The following LAIR1 variants were observed in gnomAD, a reference collection of about 807,000 sequenced individuals.
LAIR1 encodes the protein leukocyte-associated immunoglobulin-like receptor 1.
In LAIR1, 24 loss-of-function variants were observed where a neutral mutation model predicts 32.8. The observed-to-expected ratio is 0.73, with a 90% CI of 0.53 to 1.03. The LOEUF (loss-of-function observed/expected upper bound fraction) is 1.03. Ranked by LOEUF, LAIR1 falls within the 50% of genes least tolerant of loss-of-function variation. LAIR1 has a pLI of 0.00. For missense variants in LAIR1, 355 were observed against 347.5 expected (o/e 1.02, Z -0.17); for synonymous variants, 150 against 140.5 (o/e 1.07, Z -0.48).
rs1193204151 is a variant in LAIR1, at chr19:54,352,856, T to C, written c.*2412A>G. The C allele has an allele frequency of 6.6e-6, 1 of 151,858 alleles. No homozygotes were observed. Among genetic ancestry groups the C allele is most frequent in the Non-Finnish European group, 1.5e-5 (1 of 67,984 alleles). The allele number at this position is 151,858 out of a possible 1,614,324, so 9.4% of individuals were successfully genotyped here. ...AACAACCAGAGAAGAAAGACAGAGATGTAGAAAAAGAGACAAAGACGGCTG... is the reference window on the plus strand; with the variant it reads ...AACAACCAGAGAAGAAAGACAGAGACGTAGAAAAAGAGACAAAGACGGCTG... On this transcript the variant is annotated 3_prime_UTR_variant, in exon 10 of 10. Coordinates refer to ENST00000391742, the MANE Select transcript of LAIR1 (RefSeq NM_002287.6).
In LAIR1 at chr19:54,360,997, T is replaced by G; in HGVS notation, c.283A>C (p.Asn95His). ...RFRIDSVREG[N>H]AGLYRCIYYK... ...TAGATGCAGCGATAAAGCCCGGCAT[T>G]TCCTTCTCTTACTGAGTCAATGCGG... is the stretch of plus-strand genomic sequence containing the variant. Residue 95 changes from asparagine to histidine, a missense_variant, in exon 3 of 10, where the codon AAT becomes CAT. Coordinates refer to ENST00000391742, the MANE Select transcript of LAIR1 (RefSeq NM_002287.6). 1 of 1,614,200 alleles carries G rather than the reference T, an allele frequency of 6.2e-7. No homozygotes were observed. The highest frequency in any genetic ancestry group is 8.5e-7 in the Non-Finnish European group (1 of 1,180,034).
At chr19:54,358,397 A>AAT (rs1167186423) in intron 4 of LAIR1, 1 of 197,216 alleles carries the variant, frequency 5.1e-6, no homozygotes, top group South Asian at 1.6e-4. Flanking sequence ...ATATATATAT[A>AAT]ATATATATAT....
upstream of LAIR1, among the ~76,000 whole-genome samples, chr19:54,373,243 C>A (rs575029948): frequency 2.2e-3 from 337 of 151,276 alleles, 2 homozygotes; most frequent in Non-Finnish European, 3.8e-3. Flanking sequence ...GTGATCGAGA[C>A]CATCCTGGCC....
rs2081757013 is a variant in LAIR1, at chr19:54,357,100, C to T, written c.416-134G>A. On this transcript the variant is annotated intron_variant, in intron 4 of 9. Coordinates refer to ENST00000391742, the MANE Select transcript of LAIR1 (RefSeq NM_002287.6). ...CCTGACTGCTCCCTCTAGACCAGCA[C>T]CGACCAGCAGAGTCTTCTGTGATGA... 15 of 723,490 alleles carry T rather than the reference C, an allele frequency of 2.1e-5. No individual in the cohort carries two copies. In the South Asian group the frequency reaches 2.7e-4, roughly 13 times the overall value. 44.8% of individuals were successfully genotyped at this position (723,490 alleles called of 1,614,324 possible). A position where few individuals can be genotyped will look rare whatever the true frequency, so the allele number is the denominator to read the frequency against.
Position 54,356,580 on chromosome 19 carries a change from T to C in LAIR1, c.494A>G (p.Tyr165Cys), listed in dbSNP as rs763762622. Residue 165 changes from tyrosine to cysteine, a missense_variant, in exon 6 of 10, where the codon TAT (tyrosine) becomes TGT (cysteine). Tyr to Cys is a radical substitution (Grantham distance 194). Transcript: ENST00000391742. Reference sequence around the variant, plus strand: ...GACCACTGAGACCCCGATGAGAATATACAGATGCTCAGCTTTCAGGCCTTG... The same window carrying C: ...GACCACTGAGACCCCGATGAGAATACACAGATGCTCAGCTTTCAGGCCTTG... The part of the protein sequence containing the change: ...ASQGLKAEHL[Y>C]ILIGVSVVFL... 2 of 1,613,766 alleles carry C rather than the reference T, an allele frequency of 1.2e-6. No individual in the cohort carries two copies. The highest frequency in any genetic ancestry group is 1.1e-5 in the South Asian group (1 of 91,070).
chr19:54,355,341 G>C lies in LAIR1; in HGVS notation c.791C>G (p.Ala264Gly). The C allele has an allele frequency of 1.2e-6, 2 of 1,613,544 alleles. No individual in the cohort carries two copies. The highest frequency in any genetic ancestry group is 2.2e-5 in the South Asian group (2 of 91,042). The part of the protein sequence containing the change: ...LDHWALTQRT[A>G]RAVSPQSTKP... ...TGTGGACTGTGGGGACACAGCCCGG[G>C]CTGTCCTCTGTGTGAGGGCCCAGTG... The change falls in exon 10 of 10, where the codon GCC (alanine) becomes GGC (glycine). Residue 264 changes from alanine to glycine, a missense_variant. Coordinates refer to ENST00000391742, the MANE Select transcript of LAIR1 (RefSeq NM_002287.6). The surrounding 1 kb of genome is among the most constrained non-coding windows in gnomAD (Gnocchi z 4.7).
At chr19:54,373,983 G>A (rs1430975313), upstream of LAIR1, among the ~76,000 whole-genome samples, 3 of 152,098 alleles carry the variant, frequency 2.0e-5, no homozygotes, top group Non-Finnish European at 2.9e-5. Context: ...TATAAATAGT[G>A]TTATGAACAG....
upstream of LAIR1, among the ~76,000 whole-genome samples, chr19:54,372,043 T>C (rs2082417624): frequency 6.6e-6 from 1 of 151,712 alleles, no homozygotes; most frequent in Admixed American, 6.5e-5. Context: ...ACTCACTTAC[T>C]GAAGGGCATC....
rs1240957890 is a variant in LAIR1 at position 54,353,482 on chromosome 19, G to C, written c.*1786C>G. On this transcript the variant is annotated 3_prime_UTR_variant, in exon 10 of 10. Coordinates refer to ENST00000391742, the MANE Select transcript of LAIR1 (RefSeq NM_002287.6). ...GCAGACCGAGCTGCAGCCCATCCCG[G>C]GGTTCATAATGTGGAGTCAGGAGCC... 1 of 152,130 alleles carries C rather than the reference G, an allele frequency of 6.6e-6. No individual in the cohort carries two copies. Among genetic ancestry groups the C allele is most frequent in the Non-Finnish European group, 1.5e-5 (1 of 68,032 alleles). The allele number at this position is 152,130 out of a possible 1,614,324, so 9.4% of individuals were successfully genotyped here.
At position 54,362,194 on chromosome 19, in the gene LAIR1, T is replaced by C. The variant is rs2885687; in HGVS notation, c.71-985A>G. Among the ~76,000 whole-genome samples, 11 of 152,116 alleles carry C rather than the reference T, an allele frequency of 7.2e-5. No individual in the cohort carries two copies. The East Asian group carries it at 7.7e-4, about 11-fold the overall frequency. ...GAACATTTAAAATCTGCCCTCTTAG[T>C]GATTTTCAAGCATATGATACATTGT... On this transcript the variant is annotated intron_variant, in intron 2 of 9. Coordinates refer to ENST00000391742, the MANE Select transcript of LAIR1 (RefSeq NM_002287.6).
chr19:54,357,088 T>A, intron 4 of LAIR1, 122 bp from the exon 5 acceptor site: 1 of 847,500 alleles, frequency 1.2e-6, no homozygotes, highest in Admixed American at 2.4e-5. Context: ...GACTGCTCCC[T>A]CTAGACCAGC....
upstream of LAIR1, among the ~76,000 whole-genome samples, chr19:54,374,705 G>A (rs576551295): frequency 6.6e-6 from 1 of 152,148 alleles, no homozygotes; most frequent in East Asian, 1.9e-4. Context: ...CCCAGCCCCA[G>A]AGGTTCCCAG....
At chr19:54,358,483 A>T in intron 4 of LAIR1, 3 of 1,420,686 alleles carry the variant, frequency 2.1e-6, no homozygotes, top group Non-Finnish European at 2.9e-6. Flanking sequence ...ATATATTTTT[A>T]TCTGTATATG....
At chr19:54,365,077 T>G, upstream of LAIR1, 1 of 1,349,872 alleles carries the variant, frequency 7.4e-7, no homozygotes. Context: ...TTACCAGATG[T>G]GTCAGCCTCT....
At chr19:54,358,292 A>C (rs1189347351) in intron 4 of LAIR1, 4 of 150,342 alleles carry the variant, frequency 2.7e-5, no homozygotes, top group East Asian at 1.9e-4. Flanking sequence ...ATATATTGTA[A>C]ATATATCTTT....
chr19:54,356,478 C>G lies in LAIR1; in HGVS notation c.583+13G>C. On this transcript the variant is annotated intron_variant, in intron 6 of 9. Coordinates refer to ENST00000391742, the MANE Select transcript of LAIR1 (RefSeq NM_002287.6). ...AGCTTCCCAGGTCACCCCACCCTGC[C>G]CCTGAGACCTACCCTGCTTTATCTG... is the stretch of plus-strand genomic sequence containing the variant. The G allele has an allele frequency of 6.2e-7, 1 of 1,613,748 alleles. No individual in the cohort carries two copies. Among genetic ancestry groups the G allele is most frequent in the Non-Finnish European group, 8.5e-7 (1 of 1,179,908 alleles).
In LAIR1 at chr19:54,351,670, G is replaced by C. The variant is rs1336445834; in HGVS notation, c.*3598C>G. On this transcript the variant is annotated 3_prime_UTR_variant, in exon 10 of 10. Transcript: ENST00000391742. ...TTGGACAGCAGGTGTGTAAGCAGGA[G>C]CCAAGAGTGAAACACGCTCTTGCTC... 6.6e-6 allele frequency: 1 copy of C among 152,146 alleles called. No homozygotes were observed. The highest frequency in any genetic ancestry group is 2.4e-5 in the African/African-American group (1 of 41,430). The allele number at this position is 152,146 out of a possible 1,614,324, so 9.4% of individuals were successfully genotyped here. A position where few individuals can be genotyped will look rare whatever the true frequency, so the allele number is the denominator to read the frequency against.
upstream of LAIR1, among the ~76,000 whole-genome samples, chr19:54,366,445 G>T (rs552504653): frequency 2.0e-5 from 3 of 152,264 alleles, no homozygotes; most frequent in South Asian, 6.2e-4. Flanking sequence ...GCTGCATTCT[G>T]TCCATGCCCT....
At position 54,355,236 on chromosome 19, in the gene LAIR1, C is replaced by A. The variant is rs2081638638; in HGVS notation, c.*32G>T. ...AGGCTTTTCCTAGAGTGACTTTCTA[C>A]CCTCAGGTGCAGAGGCCAGGTGGGT... On this transcript the variant is annotated 3_prime_UTR_variant, in exon 10 of 10. Transcript: ENST00000391742. This position sits in a 1 kb window ranked among gnomAD's most constrained non-coding sequence, Gnocchi z 4.7. The A allele has an allele frequency of 6.5e-7, 1 of 1,534,340 alleles. No individual in the cohort carries two copies. The highest frequency in any genetic ancestry group is 8.8e-7 in the Non-Finnish European group (1 of 1,137,706).
Sources: gnomAD v4.1 joint callset for allele counts (sites outside exome capture counted in the v4.1 genomes callset) on GRCh38, gnomAD v4.1.1 for gene constraint, Gnocchi (gnomAD v3.1) non-coding constraint, MANE v1.5 for transcripts, NCBI Gene and HGNC (gene_info 2026-07-23, HGNC 2026-07-21) for gene names.